Variants in ZNF566 observed in about 807,000 individuals in gnomAD.
The protein encoded by ZNF566 is zinc finger protein 566.
In ZNF566, 27 loss-of-function variants were observed where a neutral mutation model predicts 32.8. That is an observed-to-expected ratio of 0.82 (90% CI 0.61 to 1.14). The LOEUF (loss-of-function observed/expected upper bound fraction) is 1.14, where lower values mean the gene tolerates loss of function less well. Ranked by LOEUF, ZNF566 falls within the 50% of genes most tolerant of loss-of-function variation. ZNF566 has a pLI of 0.00. For synonymous variants in ZNF566, 154 were observed against 159.5 expected (o/e 0.97, Z 0.26); for missense variants, 402 against 490.4 (o/e 0.82, Z 1.70).
intron 4 of ZNF566, among the ~76,000 whole-genome samples, chr19:36,465,540 C>G (rs927501232): frequency 2.0e-5 from 3 of 151,794 alleles, no homozygotes; most frequent in Non-Finnish European, 4.4e-5. Context: ...GGCACGATCT[C>G]AACTCACTGT....
intron 1 of ZNF566, among the ~76,000 whole-genome samples, chr19:36,479,193 T>C (rs2145699566): frequency 6.6e-6 from 1 of 152,264 alleles, no homozygotes; most frequent in African/African-American, 2.4e-5. Flanking sequence ...AAAAGAATAA[T>C]GTGCATTATC....
intron 4 of ZNF566, among the ~76,000 whole-genome samples, chr19:36,464,743 T>TTAG (rs1434658053): frequency 6.6e-6 from 1 of 151,950 alleles, no homozygotes; most frequent in Non-Finnish European, 1.5e-5. Context: ...CAGTGCACTC[T>TTAG]AGCCTGGGTG....
At chr19:36,474,476 G>T (rs896184911) in intron 2 of ZNF566, among the ~76,000 whole-genome samples, 1 of 152,142 alleles carries the variant, frequency 6.6e-6, no homozygotes, top group African/African-American at 2.4e-5. Context: ...GTATACTATT[G>T]ATTTAACCAA....
At chr19:36,462,495 G>A (rs910163973) in intron 4 of ZNF566, among the ~76,000 whole-genome samples, 1 of 151,804 alleles carries the variant, frequency 6.6e-6, no homozygotes, top group Admixed American at 6.6e-5. Flanking sequence ...AAGTAATAGG[G>A]GTTCACTCCA....
chr19:36,462,956 CAAAAAAAAAAAAAA>C (rs755283751), intron 4 of ZNF566, among the ~76,000 whole-genome samples: 7 of 38,564 alleles, frequency 1.8e-4, no homozygotes, highest in East Asian at 1.2e-3. Context: ...GACTCTGTCT[CAAAAAAAAAAAAAA>C]AAAAAAAAAA....
chr19:36,476,718 G>A, intron 1 of ZNF566, 102 bp from the exon 2 acceptor site: 1 of 947,282 alleles, frequency 1.1e-6, no homozygotes. Flanking sequence ...ATGCTTGTGG[G>A]GTATCAGTGA....
chr19:36,448,985 A>G lies in ZNF566; in HGVS notation c.1249T>C (p.Tyr417His). ...DPQLIQHQNL[Y>H]W The stretch of plus-strand genomic sequence containing the variant: ...TCATATATTCTGTTTCATCACCAGT[A>G]CAAATTTTGATGCTGAATAAGTTGT... Residue 417 changes from tyrosine to histidine, a missense_variant, in exon 5 of 5, where the codon TAC (tyrosine) becomes CAC (histidine). Around this residue, in one of 3 missense-constraint regions of ZNF566, gnomAD observed 47 missense variants for 38.5 expected, o/e 1.22. Coordinates refer to ENST00000452939, the MANE Select transcript of ZNF566 (RefSeq NM_001145344.1). The G allele has an allele frequency of 6.3e-7, 1 of 1,578,908 alleles. No homozygotes were observed. The highest frequency in any genetic ancestry group is 8.6e-7 in the Non-Finnish European group (1 of 1,165,916).
chr19:36,487,097 A>AAG (rs1334724167), intron 1 of ZNF566, among the ~76,000 whole-genome samples: 9 of 150,038 alleles, frequency 6.0e-5, no homozygotes, highest in Admixed American at 2.0e-4. Flanking sequence ...CTCAAAAAAA[A>AAG]AAAAAAAAAC....
intron 4 of ZNF566, among the ~76,000 whole-genome samples, chr19:36,458,467 G>A (rs1260059966): frequency 6.6e-6 from 1 of 152,164 alleles, no homozygotes; most frequent in East Asian, 1.9e-4. Flanking sequence ...CATAGAAGAA[G>A]AGAGTAGAAT....
chr19:36,454,509 T>C (rs2033250906), intron 4 of ZNF566, among the ~76,000 whole-genome samples: 2 of 152,144 alleles, frequency 1.3e-5, no homozygotes, highest in Non-Finnish European at 2.9e-5. Flanking sequence ...GTTATGGTCA[T>C]GCCACTATAC....
At chr19:36,451,774 G>A (rs1016659876) in intron 4 of ZNF566, among the ~76,000 whole-genome samples, 1 of 152,164 alleles carries the variant, frequency 6.6e-6, no homozygotes, top group African/African-American at 2.4e-5. Context: ...CTGCGGGGCC[G>A]AGGCGGGCCG....
chr19:36,468,688 G>C (rs953569012), intron 4 of ZNF566, among the ~76,000 whole-genome samples: 1 of 151,634 alleles, frequency 6.6e-6, no homozygotes, highest in Non-Finnish European at 1.5e-5. Context: ...CTGAGTGGTG[G>C]GATCACTTGA....
chr19:36,482,793 G>T (rs1191039934), intron 1 of ZNF566, among the ~76,000 whole-genome samples: 1 of 152,160 alleles, frequency 6.6e-6, no homozygotes, highest in Non-Finnish European at 1.5e-5. Context: ...AATTCTCCAT[G>T]GGTCTTGCAT....
intron 2 of ZNF566, among the ~76,000 whole-genome samples, chr19:36,474,329 G>A (rs998546607): frequency 6.6e-6 from 1 of 152,160 alleles, no homozygotes; most frequent in Non-Finnish European, 1.5e-5. Flanking sequence ...CAATGATGCT[G>A]GAGATTCTGG....
intron 1 of ZNF566, among the ~76,000 whole-genome samples, chr19:36,478,468 G>A (rs1445250776): frequency 6.6e-6 from 1 of 152,006 alleles, no homozygotes; most frequent in Non-Finnish European, 1.5e-5. Context: ...CAAGCAGGAT[G>A]GCATGAAACA....
chr19:36,454,081 T>C (rs2033238484), intron 4 of ZNF566, among the ~76,000 whole-genome samples: 1 of 151,986 alleles, frequency 6.6e-6, no homozygotes, highest in South Asian at 2.1e-4. Context: ...AACATTTCGG[T>C]AGAGACAGGG....
intron 2 of ZNF566, among the ~76,000 whole-genome samples, chr19:36,473,913 A>T (rs1252809863): frequency 6.6e-6 from 1 of 152,224 alleles, no homozygotes; most frequent in African/African-American, 2.4e-5. Flanking sequence ...AAAAGGCATC[A>T]AAAATTAGAG....
In ZNF566 at chr19:36,448,571, C is replaced by T. The variant is rs1251724106; in HGVS notation, c.*406G>A. Reference sequence around the variant, plus strand: ...GATGTAAACAGATGAAATTTATAGCCATATAAATTTAATATGGATTAAAAT... The same window carrying T: ...GATGTAAACAGATGAAATTTATAGCTATATAAATTTAATATGGATTAAAAT... On this transcript the variant is annotated 3_prime_UTR_variant, in exon 5 of 5. Transcript: ENST00000452939. 1 of 154,272 alleles carries T rather than the reference C, an allele frequency of 6.5e-6. No individual in the cohort carries two copies. Among genetic ancestry groups the T allele is most frequent in the African/African-American group, 2.4e-5 (1 of 41,374 alleles). The allele number at this position is 154,272 out of a possible 1,614,324, so 9.6% of individuals were successfully genotyped here. A position where few individuals can be genotyped will look rare whatever the true frequency, so the allele number is the denominator to read the frequency against.
chr19:36,479,238 G>T (rs191516754), intron 1 of ZNF566, among the ~76,000 whole-genome samples: 104 of 152,244 alleles, frequency 6.8e-4, no homozygotes, highest in African/African-American at 2.4e-3. Context: ...AAAGGGCTTG[G>T]CCAGTATAAT....
Sources: gnomAD v4.1 joint callset for allele counts (sites outside exome capture counted in the v4.1 genomes callset) on GRCh38, gnomAD v4.1.1 for gene constraint, gnomAD v4.1.1 regional missense constraint, MANE v1.5 for transcripts, NCBI Gene and HGNC (gene_info 2026-07-23, HGNC 2026-07-21) for gene names.